PGCKA1: variants seen among roughly 807,000 people sequenced by gnomAD.
PGCKA1 encodes PDCD10 and GCKIII kinases-associated protein 1.
the PGCKA1 span, among the ~76,000 whole-genome samples, chr4:37,525,638 C>G: frequency 6.6e-6 from 1 of 152,138 alleles, no homozygotes; most frequent in African/African-American, 2.4e-5. Flanking sequence ...CTATATTCCC[C>G]AATAGGATTC....
At chr4:37,547,363 C>T in the PGCKA1 span, among the ~76,000 whole-genome samples, 1 of 152,106 alleles carries the variant, frequency 6.6e-6, no homozygotes, top group South Asian at 2.1e-4. Flanking sequence ...TGTGTGTGCC[C>T]TTTTTAAGTG....
the PGCKA1 span, chr4:37,584,238 A>G: frequency 2.6e-5 from 4 of 152,250 alleles, no homozygotes; most frequent in Admixed American, 6.5e-5. Flanking sequence ...CAGTCACACA[A>G]CCTTGGACAT....
the PGCKA1 span, among the ~76,000 whole-genome samples, chr4:37,501,222 C>T: frequency 6.6e-6 from 1 of 151,992 alleles, no homozygotes; most frequent in Non-Finnish European, 1.5e-5. Context: ...CCCCAACCCA[C>T]AGGCCATGGA....
At chr4:37,478,500 A>C in the PGCKA1 span, among the ~76,000 whole-genome samples, 1 of 152,204 alleles carries the variant, frequency 6.6e-6, no homozygotes, top group African/African-American at 2.4e-5. Flanking sequence ...GTTGGCCCTT[A>C]AAGGAACAAA....
chr4:37,484,898 C>T, the PGCKA1 span, among the ~76,000 whole-genome samples: 42 of 152,216 alleles, frequency 2.8e-4, no homozygotes, highest in Admixed American at 2.6e-3. Flanking sequence ...CATCAGCCAC[C>T]CAGTTTATGG....
chr4:37,571,170 C>T, the PGCKA1 span, among the ~76,000 whole-genome samples: 1 of 152,050 alleles, frequency 6.6e-6, no homozygotes, highest in Non-Finnish European at 1.5e-5. Context: ...GCACCAAAGT[C>T]CCCCTCTAAG....
the PGCKA1 span, among the ~76,000 whole-genome samples, chr4:37,473,753 T>C: frequency 3.3e-5 from 5 of 152,178 alleles, no homozygotes; most frequent in Admixed American, 2.0e-4. Context: ...CTAGGCTCCC[T>C]GACCAACCTC....
chr4:37,491,405 G>A, the PGCKA1 span, among the ~76,000 whole-genome samples: 49 of 152,288 alleles, frequency 3.2e-4, no homozygotes, highest in African/African-American at 1.2e-3. Flanking sequence ...CAGAAATGGG[G>A]CATATGCTCA....
chr4:37,534,354 GT>G, the PGCKA1 span, among the ~76,000 whole-genome samples: 1 of 152,138 alleles, frequency 6.6e-6, no homozygotes, highest in Non-Finnish European at 1.5e-5. Flanking sequence ...TAGAGTTACC[GT>G]TTTCTTAACC....
the PGCKA1 span, among the ~76,000 whole-genome samples, chr4:37,531,800 G>A: frequency 7.2e-4 from 107 of 149,538 alleles, no homozygotes; most frequent in South Asian, 8.9e-3. Flanking sequence ...GCTGAGGCAG[G>A]AGAATGACGT....
the PGCKA1 span, among the ~76,000 whole-genome samples, chr4:37,509,953 GA>G: frequency 4.5e-5 from 6 of 133,642 alleles, no homozygotes; most frequent in Admixed American, 2.2e-4. Context: ...GGAGACCGTG[GA>G]GAGAGAGGGA....
chr4:37,509,999 G>A, the PGCKA1 span, among the ~76,000 whole-genome samples: 1 of 151,324 alleles, frequency 6.6e-6, no homozygotes, highest in Non-Finnish European at 1.5e-5. Flanking sequence ...GGGAGGGGGA[G>A]GGGGAGAGGG....
the PGCKA1 span, among the ~76,000 whole-genome samples, chr4:37,535,769 G>A: frequency 6.6e-6 from 1 of 152,208 alleles, no homozygotes; most frequent in East Asian, 1.9e-4. Context: ...CATCCTCAGT[G>A]TGAGCGATGT....
chr4:37,486,839 A>G, the PGCKA1 span, among the ~76,000 whole-genome samples: 31,494 of 152,196 alleles, frequency 0.21, 4,031 homozygotes, highest in Non-Finnish European at 0.29. Context: ...TTTGAATGAT[A>G]CAGTCTGCTA....
At chr4:37,468,676 A>G in the PGCKA1 span, among the ~76,000 whole-genome samples, 1 of 152,018 alleles carries the variant, frequency 6.6e-6, no homozygotes, top group African/African-American at 2.4e-5. Flanking sequence ...TCAACTGAAC[A>G]TTTTCCATAT....
chr4:37,469,040 T>C, the PGCKA1 span, among the ~76,000 whole-genome samples: 1 of 152,188 alleles, frequency 6.6e-6, no homozygotes, highest in Non-Finnish European at 1.5e-5. Flanking sequence ...ACCGTATTTT[T>C]ACTGTACATT....
the PGCKA1 span, among the ~76,000 whole-genome samples, chr4:37,520,074 C>T: frequency 1.7e-4 from 26 of 152,230 alleles, no homozygotes; most frequent in East Asian, 5.0e-3. Context: ...GGTTGATTTG[C>T]ATATGTTGAA....
chr4:37,535,237 C>T, the PGCKA1 span, among the ~76,000 whole-genome samples: 11 of 152,210 alleles, frequency 7.2e-5, no homozygotes, highest in South Asian at 2.1e-4. Context: ...TTGAAAGAAT[C>T]GAGGGCTGGG....
chr4:37,467,369 C>G, the PGCKA1 span, among the ~76,000 whole-genome samples: 1 of 152,148 alleles, frequency 6.6e-6, no homozygotes, highest in Non-Finnish European at 1.5e-5. Flanking sequence ...TTTCTGTACT[C>G]GAGTTTTTGC....
Sources: gnomAD v4.1 joint callset for allele counts (sites outside exome capture counted in the v4.1 genomes callset) on GRCh38, gnomAD v4.1.1 for gene constraint, MANE v1.5 for transcripts, NCBI Gene and HGNC (gene_info 2026-07-23, HGNC 2026-07-21) for gene names.